Variants in COG7 observed in about 807,000 individuals in gnomAD.
COG7 encodes conserved oligomeric Golgi complex subunit 7.
A neutral mutation model predicts 91.5 loss-of-function variants in COG7; 49 were observed. The ratio of observed to expected loss-of-function variants is 0.54; its 90% CI spans 0.43 to 0.68. COG7 has a LOEUF of 0.68. Ranked by LOEUF, COG7 falls within the 30% of genes least tolerant of loss-of-function variation. The pLI is 0.00. For missense variants in COG7, 895 were observed against 961.3 expected (o/e 0.93, Z 0.91); for synonymous variants, 365 against 388.7 (o/e 0.94, Z 0.72).
At chr16:23,442,857 A>C (rs111485323) in intron 3 of COG7, among the ~76,000 whole-genome samples, 1 of 151,826 alleles carries the variant, frequency 6.6e-6, no homozygotes, top group African/African-American at 2.4e-5. Context: ...TTAACATGGC[A>C]AGATCCAGTC....
intron 10 of COG7, chr16:23,412,360 G>T (rs1963577659): frequency 1.3e-5 from 2 of 152,240 alleles, no homozygotes; most frequent in Non-Finnish European, 2.9e-5. Flanking sequence ...GCCCAGTGTT[G>T]CCTGAGCATC....
chr16:23,423,677 T>C (rs1208498848), intron 7 of COG7, among the ~76,000 whole-genome samples: 1 of 152,188 alleles, frequency 6.6e-6, no homozygotes, highest in African/African-American at 2.4e-5. Context: ...AAGGCAATTA[T>C]ACACAGATGT....
intron 13 of COG7, among the ~76,000 whole-genome samples, chr16:23,398,490 A>G (rs1963320725): frequency 6.6e-6 from 1 of 152,100 alleles, no homozygotes; most frequent in African/African-American, 2.4e-5. Flanking sequence ...TAGCGGGGCC[A>G]CTGTGTAGAG....
chr16:23,438,034 G>A (rs1442962202), intron 4 of COG7, among the ~76,000 whole-genome samples: 3 of 147,224 alleles, frequency 2.0e-5, no homozygotes, highest in South Asian at 2.1e-4. Context: ...GCAGCGAGCC[G>A]AGATCAAGCC....
At chr16:23,451,941 C>T (rs1203911660) in intron 1 of COG7, among the ~76,000 whole-genome samples, 1 of 151,714 alleles carries the variant, frequency 6.6e-6, no homozygotes, top group Non-Finnish European at 1.5e-5. Flanking sequence ...TTGTTTGGTA[C>T]AAAACAGGCT....
intron 4 of COG7, chr16:23,441,983 T>C (rs1365438620): frequency 6.4e-6 from 1 of 156,288 alleles, no homozygotes; most frequent in Non-Finnish European, 1.4e-5. Flanking sequence ...AAGGAGAAAG[T>C]GTGTGACCCA....
intron 14 of COG7, among the ~76,000 whole-genome samples, chr16:23,396,945 T>C (rs1267100787): frequency 6.6e-6 from 1 of 152,090 alleles, no homozygotes; most frequent in Non-Finnish European, 1.5e-5. Context: ...GGGGTTGCTG[T>C]GTGGCCCAGG....
At chr16:23,431,932 A>G (rs973030092) in intron 6 of COG7, among the ~76,000 whole-genome samples, 1 of 152,050 alleles carries the variant, frequency 6.6e-6, no homozygotes, top group African/African-American at 2.4e-5. Context: ...ACTTGAGGCC[A>G]GGAGTTAGAG....
chr16:23,424,691 A>G (rs1963814965), intron 7 of COG7, 58 bp downstream of exon 7: 1 of 1,567,500 alleles, frequency 6.4e-7, no homozygotes, highest in Non-Finnish European at 8.8e-7. Flanking sequence ...CAGGCCCCAG[A>G]AGCTTCAGAA....
At chr16:23,420,505 C>G (rs1035935657) in intron 7 of COG7, among the ~76,000 whole-genome samples, 1 of 152,166 alleles carries the variant, frequency 6.6e-6, no homozygotes, top group Admixed American at 6.6e-5. Context: ...TTCCTAAAAG[C>G]TTCCTTCTGT....
intron 9 of COG7, 182 bp downstream of exon 9, chr16:23,416,785 G>T: frequency 1.4e-6 from 1 of 694,176 alleles, no homozygotes; most frequent in Non-Finnish European, 2.5e-6. Context: ...AGACATTTAC[G>T]TTGTTTCAAA....
chr16:23,425,736 A>C (rs1472179841), intron 6 of COG7, among the ~76,000 whole-genome samples: 1 of 152,192 alleles, frequency 6.6e-6, no homozygotes, highest in Admixed American at 6.5e-5. Flanking sequence ...TATAAGCCCA[A>C]AGTTTTCCTC....
At position 23,406,183 on chromosome 16, in the gene COG7, T is replaced by G. The variant is rs1204341128; in HGVS notation, c.1555A>C (p.Thr519Pro). ...SLAGFQESIL[T>P]DKKNSAKNPW... The stretch of plus-strand genomic sequence containing the variant: ...TTCTTGGCAGAGTTCTTCTTGTCTG[T>G]CAAGATGCTCTCCTGAAAACCAGCC... Residue 519 changes from threonine (T) to proline (P), a missense_variant, in exon 12 of 17, where the codon ACA becomes CCA. Transcript: ENST00000307149. 4 of 1,614,052 alleles carry G rather than the reference T, an allele frequency of 2.5e-6. No individual in the cohort carries two copies. Among genetic ancestry groups the G allele is most frequent in the Admixed American group, 1.7e-5 (1 of 60,014 alleles).
chr16:23,452,651 G>A, intron 1 of COG7, 175 bp downstream of exon 1: 1 of 1,410,458 alleles, frequency 7.1e-7, no homozygotes, highest in South Asian at 1.5e-5. Flanking sequence ...AAGACAGCCC[G>A]GCACCCAGCT....
At chr16:23,443,538 A>G (rs1411515000) in intron 3 of COG7, among the ~76,000 whole-genome samples, 1 of 151,746 alleles carries the variant, frequency 6.6e-6, no homozygotes, top group African/African-American at 2.4e-5. Flanking sequence ...TAAAAATACA[A>G]AAATTAGCCA....
rs544015151 is a variant in COG7 at position 23,445,965 on chromosome 16, T to C, written c.170-4A>G. 1.6e-4 allele frequency: 262 copies of C among 1,588,502 alleles called. 3 individuals are homozygous for C. In the South Asian group the frequency reaches 2.7e-3, roughly 16 times the overall value. ...TGGAGAGCTTGGTGACTTGTTTCTG[T>C]AGTTAAAAAAAAAAAAAAAAACAAC... is the stretch of plus-strand genomic sequence containing the variant. On this transcript the variant is annotated splice_region_variant and splice_polypyrimidine_tract_variant and intron_variant, in intron 1 of 16. Transcript: ENST00000307149.
At chr16:23,417,761 C>T (rs1482169319) in intron 8 of COG7, among the ~76,000 whole-genome samples, 1 of 152,090 alleles carries the variant, frequency 6.6e-6, no homozygotes. Flanking sequence ...ACCTGTATGA[C>T]AGAGCAAGAC....
intron 7 of COG7, among the ~76,000 whole-genome samples, chr16:23,419,855 G>C (rs1424645578): frequency 6.6e-6 from 1 of 151,540 alleles, no homozygotes; most frequent in Non-Finnish European, 1.5e-5. Flanking sequence ...TACCCCCACT[G>C]GCAGGTCGTG....
rs76242666 is a variant in COG7, at chr16:23,398,732, T to C, written c.1804-603A>G. ...CCTTCTGGATCTGTTTCTCAACTCA[T>C]CAGAACTCAGAGGGATGGGGATGGG... On this transcript the variant is annotated intron_variant, in intron 13 of 16. Coordinates refer to ENST00000307149, the MANE Select transcript of COG7 (RefSeq NM_153603.4). 5.1e-3 allele frequency among the ~76,000 whole-genome samples: 777 copies of C among 152,250 alleles called. 10 individuals are homozygous for C. Among genetic ancestry groups the C allele is most frequent in the African/African-American group, 0.018 (748 of 41,550 alleles).
Sources: allele counts gnomAD v4.1 joint callset (sites outside exome capture counted in the v4.1 genomes callset), GRCh38; gene constraint gnomAD v4.1.1; transcripts MANE v1.5; gene names NCBI Gene and HGNC (gene_info 2026-07-23, HGNC 2026-07-21).